The following DAB1 variants were observed in gnomAD, a reference collection of about 807,000 sequenced individuals.
DAB1 encodes DAB adaptor protein 1, also known as disabled homolog 1.
DAB1 carries 15 observed loss-of-function variants against 64.6 expected under a neutral mutation model. That is an observed-to-expected ratio of 0.23 (90% confidence interval 0.16 to 0.36). The LOEUF (loss-of-function observed/expected upper bound fraction) is 0.36. DAB1 is among the 10% of genes least tolerant of loss of function. The probability of loss-of-function intolerance (pLI) is 1.00; values close to 1 mark genes in which losing one functional copy is unlikely to be tolerated. For synonymous variants in DAB1, 235 were observed against 251.9 expected (o/e 0.93, Z 0.64); for missense variants, 596 against 706.7 (o/e 0.84, Z 1.78).
chr1:58,519,026 T>C (rs1646218298), intron 2 of DAB1, among the ~76,000 whole-genome samples: 1 of 152,158 alleles, frequency 6.6e-6, no homozygotes, highest in African/African-American at 2.4e-5. Flanking sequence ...GTTCATGCAT[T>C]ATCTCTACAC....
chr1:57,452,650 C>T (rs1686431173), intron 7 of DAB1, among the ~76,000 whole-genome samples: 1 of 152,090 alleles, frequency 6.6e-6, no homozygotes, highest in African/African-American at 2.4e-5. Flanking sequence ...TCTCCTGGTC[C>T]TGTTCTTAGA....
intron 6 of DAB1, 186 bp downstream of exon 6, chr1:57,071,336 G>T: frequency 1.4e-6 from 1 of 730,688 alleles, no homozygotes; most frequent in Non-Finnish European, 2.2e-6. Flanking sequence ...CATCTAACAT[G>T]TCTAGAGTTT....
chr1:57,822,834 A>C (rs1189149789), downstream of DAB1, among the ~76,000 whole-genome samples: 1 of 152,204 alleles, frequency 6.6e-6, no homozygotes, highest in Non-Finnish European at 1.5e-5. Flanking sequence ...ACATGGAATC[A>C]TTATTAAAAA....
chr1:58,434,934 C>G (rs1185065898), intron 3 of DAB1, among the ~76,000 whole-genome samples: 1 of 152,228 alleles, frequency 6.6e-6, no homozygotes, highest in Non-Finnish European at 1.5e-5. Flanking sequence ...CCAAAACCAT[C>G]AAAGACTTCC....
At chr1:58,222,344 C>T (rs1353776654) in intron 4 of DAB1, among the ~76,000 whole-genome samples, 10 of 152,242 alleles carry the variant, frequency 6.6e-5, no homozygotes, top group Admixed American at 5.9e-4. Context: ...TGGTTAAGAA[C>T]TTGTGCTTAA....
chr1:57,723,833 A>T (rs1160125494), intron 6 of DAB1, among the ~76,000 whole-genome samples: 1 of 151,988 alleles, frequency 6.6e-6, no homozygotes, highest in South Asian at 2.1e-4. Context: ...TTTGATTTCC[A>T]GCTTGTAGGA....
downstream of DAB1, among the ~76,000 whole-genome samples, chr1:57,823,749 C>T (rs1652227008): frequency 1.3e-5 from 2 of 152,058 alleles, no homozygotes; most frequent in Non-Finnish European, 1.5e-5. Context: ...ATTTTTGGGG[C>T]CCCCATTCTC....
rs182359441 is a variant in DAB1 at position 57,770,910 on chromosome 1, A to C, written n.551+113089T>G. ...GAGATACACAGATGGGCACTGCAGGAGGGCACCCTTAACTCATTGTCTAAT... is the reference window on the plus strand; with the variant it reads ...GAGATACACAGATGGGCACTGCAGGCGGGCACCCTTAACTCATTGTCTAAT... On this transcript the variant is annotated intron_variant and non_coding_transcript_variant, in intron 6 of 20. Coordinates refer to the DAB1 transcript ENST00000485760. Among the ~76,000 whole-genome samples, 4 of 152,256 alleles carry C rather than the reference A, an allele frequency of 2.6e-5. No homozygotes were observed. The East Asian group carries it at 7.7e-4, about 29-fold the overall frequency.
At chr1:57,831,148 C>T (rs879515422) in intron 1 of DAB1, among the ~76,000 whole-genome samples, 9 of 152,094 alleles carry the variant, frequency 5.9e-5, no homozygotes, top group South Asian at 2.1e-4. Context: ...CTCCTGACCC[C>T]GTGGTCCGCC....
rs1207358669 is a variant in DAB1 at position 57,731,894 on chromosome 1, C to T, written n.552-82229G>A. ...CAGTCCCTCCTGTTTACTTACAATC[C>T]GAAACATATGTGTTTGAGAATTATC... On this transcript the variant is annotated intron_variant and non_coding_transcript_variant, in intron 6 of 20. Transcript: ENST00000485760. Among the ~76,000 whole-genome samples the T allele has an allele frequency of 6.6e-5, 10 of 152,192 alleles. 1 individual carries two copies. Among genetic ancestry groups the T allele is most frequent in the South Asian group, 6.2e-4 (3 of 4,810 alleles).
intron 4 of DAB1, among the ~76,000 whole-genome samples, chr1:57,074,802 A>G (rs998225475): frequency 5.9e-5 from 9 of 152,202 alleles, no homozygotes; most frequent in African/African-American, 2.2e-4. Context: ...TGACACAAAT[A>G]AGTTGGCAGA....
chr1:57,480,043 A>T (rs916001803), intron 7 of DAB1, among the ~76,000 whole-genome samples: 1 of 151,236 alleles, frequency 6.6e-6, no homozygotes, highest in African/African-American at 2.4e-5. Flanking sequence ...TCCCAGCTAC[A>T]CGGGAGGCTG....
intron 3 of DAB1, among the ~76,000 whole-genome samples, chr1:58,346,889 A>T (rs1644006348): frequency 6.6e-6 from 1 of 152,214 alleles, no homozygotes; most frequent in Non-Finnish European, 1.5e-5. Flanking sequence ...AAGTGAAAGG[A>T]CTAAACTTAG....
At chr1:57,096,381 T>A (rs781751481) in intron 4 of DAB1, among the ~76,000 whole-genome samples, 31 of 152,094 alleles carry the variant, frequency 2.0e-4, no homozygotes, top group Non-Finnish European at 3.8e-4. Context: ...AATAGATATC[T>A]CCACCGCAAG....
chr1:57,542,323 T>C (rs1171001549), intron 7 of DAB1, among the ~76,000 whole-genome samples: 1 of 151,704 alleles, frequency 6.6e-6, no homozygotes, highest in Non-Finnish European at 1.5e-5. Context: ...TGGTTTATTC[T>C]GAGATTGTGC....
chr1:57,476,424 T>C (rs1643939981), intron 7 of DAB1, among the ~76,000 whole-genome samples: 1 of 152,040 alleles, frequency 6.6e-6, no homozygotes, highest in Non-Finnish European at 1.5e-5. Flanking sequence ...CTGACCTTCA[T>C]TCAAAGTAAT....
chr1:57,524,930 A>T (rs1298027197), intron 7 of DAB1, among the ~76,000 whole-genome samples: 3 of 152,216 alleles, frequency 2.0e-5, no homozygotes. Flanking sequence ...CACAAAGAAT[A>T]TGGAAAGAGA....
At chr1:58,120,866 C>T (rs942436607) in intron 5 of DAB1, among the ~76,000 whole-genome samples, 3 of 152,118 alleles carry the variant, frequency 2.0e-5, no homozygotes, top group Admixed American at 6.6e-5. Context: ...AGGAGCCAGG[C>T]GAAGGTGGCC....
At chr1:58,057,555 G>A (rs1648208778) in intron 5 of DAB1, among the ~76,000 whole-genome samples, 1 of 152,124 alleles carries the variant, frequency 6.6e-6, no homozygotes, top group Non-Finnish European at 1.5e-5. Context: ...AAAGACAGGG[G>A]CAGAAACTGG....
Sources: allele counts gnomAD v4.1 joint callset (sites outside exome capture counted in the v4.1 genomes callset), GRCh38; gene constraint gnomAD v4.1.1; transcripts MANE v1.5; gene names NCBI Gene and HGNC (gene_info 2026-07-23, HGNC 2026-07-21).